Variants in SPATA17 observed in about 807,000 individuals in gnomAD.
SPATA17 encodes spermatogenesis associated 17.
Under a neutral mutation model 62.2 loss-of-function variants are expected in SPATA17, and 53 were observed. The observed-to-expected ratio is 0.85, with a 90% CI of 0.68 to 1.07. The LOEUF (loss-of-function observed/expected upper bound fraction) is 1.07, where lower values mean the gene tolerates loss of function less well. SPATA17 is among the 50% of genes least tolerant of loss of function. The pLI, the probability that SPATA17 is intolerant of heterozygous loss-of-function variation, is 0.00. For synonymous variants in SPATA17, 146 were observed against 146.8 expected, an observed-to-expected ratio of 0.99 and a Z score of 0.04; for missense variants, 466 against 425.5, an observed-to-expected ratio of 1.10 and a Z score of -0.84.
At chr1:217,714,488 C>CTTTTTTGTTTTT (rs1671952645) in intron 5 of SPATA17, among the ~76,000 whole-genome samples, 1 of 121,432 alleles carries the variant, frequency 8.2e-6, no homozygotes, top group Non-Finnish European at 1.7e-5. Context: ...AAACGTGTTT[C>CTTTTTTGTTTTT]TTTTTTTTTT....
At chr1:217,691,173 A>G (rs1671345582) in intron 5 of SPATA17, among the ~76,000 whole-genome samples, 3 of 149,386 alleles carry the variant, frequency 2.0e-5, no homozygotes, top group Non-Finnish European at 4.5e-5. Flanking sequence ...CTTTTTAATG[A>G]TCACCATTCT....
intron 6 of SPATA17, among the ~76,000 whole-genome samples, chr1:217,761,925 G>T (rs1176946986): frequency 6.6e-6 from 1 of 152,074 alleles, no homozygotes; most frequent in Non-Finnish European, 1.5e-5. Context: ...AACACAATCT[G>T]CTGCTGCAGA....
At chr1:217,741,433 A>T (rs1004899066) in intron 5 of SPATA17, among the ~76,000 whole-genome samples, 1 of 152,178 alleles carries the variant, frequency 6.6e-6, no homozygotes, top group African/African-American at 2.4e-5. Context: ...CAAAATGTCA[A>T]CCTTTGAAGT....
At chr1:217,728,878 C>T (rs1339833429) in intron 5 of SPATA17, among the ~76,000 whole-genome samples, 1 of 152,154 alleles carries the variant, frequency 6.6e-6, no homozygotes, top group African/African-American at 2.4e-5. Flanking sequence ...TCTAACATAT[C>T]ATTGGCTGTC....
intron 8 of SPATA17, among the ~76,000 whole-genome samples, chr1:217,791,417 A>C (rs1484539507): frequency 6.6e-6 from 1 of 152,222 alleles, no homozygotes; most frequent in East Asian, 1.9e-4. Flanking sequence ...CCTGTGTATA[A>C]TTAAGAAGTT....
Position 217,648,980 on chromosome 1 carries a change from C to A in SPATA17, c.158+9C>A. On this transcript the variant is annotated intron_variant, in intron 2 of 10. Transcript: ENST00000366933. ...GTTCGGGCATATATCAGGTATATTG[C>A]TTTTGTCATGGAAACCTCAGATATA... is the stretch of plus-strand genomic sequence containing the variant. 6.3e-7 allele frequency: 1 copy of A among 1,583,990 alleles called. No individual in the cohort carries two copies. The highest frequency in any genetic ancestry group is 8.6e-7 in the Non-Finnish European group (1 of 1,164,284).
At chr1:217,673,986 C>G (rs1558560776) in intron 4 of SPATA17, among the ~76,000 whole-genome samples, 1 of 152,148 alleles carries the variant, frequency 6.6e-6, no homozygotes, top group Admixed American at 6.5e-5. Context: ...GAAGAAGTCT[C>G]TCATTCAAAA....
intron 6 of SPATA17, among the ~76,000 whole-genome samples, chr1:217,752,478 G>T (rs981608072): frequency 6.6e-6 from 1 of 152,018 alleles, no homozygotes; most frequent in African/African-American, 2.4e-5. Context: ...TCTATGTTTT[G>T]ACTTCATACT....
rs1676040042 is a variant in SPATA17, at chr1:217,867,484, T to C, written c.*465T>C. 1 of 152,204 alleles carries C rather than the reference T, an allele frequency of 6.6e-6. No homozygotes were observed. The highest frequency in any genetic ancestry group is 1.5e-5 in the Non-Finnish European group (1 of 68,056). 9.4% of individuals were successfully genotyped at this position (152,204 alleles called of 1,614,324 possible). On this transcript the variant is annotated 3_prime_UTR_variant, in exon 11 of 11. Coordinates refer to ENST00000366933, the MANE Select transcript of SPATA17 (RefSeq NM_138796.4). ...GACTGATTATACCAGTTAGAAACCC[T>C]TCAGACTGTTGAACTTGAGACACAC...
At chr1:217,692,522 C>A (rs1258213937) in intron 5 of SPATA17, among the ~76,000 whole-genome samples, 1 of 52,532 alleles carries the variant, frequency 1.9e-5, no homozygotes, top group Non-Finnish European at 3.4e-5. Flanking sequence ...GAACTTCCAA[C>A]ACTATGTTAA....
chr1:217,771,198 T>A (rs1268880469), intron 6 of SPATA17, among the ~76,000 whole-genome samples: 1 of 151,482 alleles, frequency 6.6e-6, no homozygotes, highest in Admixed American at 6.6e-5. Context: ...ATGACAGTAC[T>A]GCAAATAACT....
rs1433386570 is a variant in SPATA17, at chr1:217,784,026, C to T, written c.872+1704C>T. The stretch of plus-strand genomic sequence containing the variant: ...ATTCAAATCTATTATTTTTTTTTTG[C>T]AACTAGGCTAAGTAATTGGTCTTTA... On this transcript the variant is annotated intron_variant, in intron 8 of 10. Transcript: ENST00000366933. Among the ~76,000 whole-genome samples the T allele has an allele frequency of 2.6e-5, 4 of 151,078 alleles. No individual in the cohort carries two copies. The East Asian group carries it at 7.7e-4, about 29-fold the overall frequency.
intron 9 of SPATA17, among the ~76,000 whole-genome samples, chr1:217,847,095 T>C (rs943959733): frequency 6.6e-6 from 1 of 151,996 alleles, no homozygotes; most frequent in Non-Finnish European, 1.5e-5. Context: ...ATGTCTATCA[T>C]AGAGTTTTAA....
rs546912789 is a variant in SPATA17, at chr1:217,763,785, A to G, written c.520-10549A>G. 6.6e-5 allele frequency among the ~76,000 whole-genome samples: 10 copies of G among 152,310 alleles called. No homozygotes were observed. The South Asian group carries it at 8.3e-4, about 13-fold the overall frequency. ...AAGATGTATTTTGGAGCTAGAATTAATAGAACTCGTTAGTGGGTTGGATAT... is the reference window on the plus strand; with the variant it reads ...AAGATGTATTTTGGAGCTAGAATTAGTAGAACTCGTTAGTGGGTTGGATAT... On this transcript the variant is annotated intron_variant, in intron 6 of 10. Transcript: ENST00000366933.
intron 1 of SPATA17, among the ~76,000 whole-genome samples, chr1:217,636,007 C>T (rs890887945): frequency 2.0e-5 from 3 of 151,030 alleles, no homozygotes; most frequent in Non-Finnish European, 4.4e-5. Flanking sequence ...GTGGTGGGCG[C>T]CTTTAATCCC....
chr1:217,791,003 C>T (rs1258446977), intron 8 of SPATA17, among the ~76,000 whole-genome samples: 1 of 152,136 alleles, frequency 6.6e-6, no homozygotes, highest in Non-Finnish European at 1.5e-5. Flanking sequence ...ATTTTCTGAA[C>T]TATTACTGTA....
chr1:217,854,928 C>T lies in SPATA17; in HGVS notation c.1006-7846C>T, dbSNP rs989054515. Reference sequence around the variant, plus strand: ...TCAGCTAAATAACATTTGTCAAGTCCCTACTTTGTAGTAGACACTGTGCTA... The same window carrying T: ...TCAGCTAAATAACATTTGTCAAGTCTCTACTTTGTAGTAGACACTGTGCTA... On this transcript the variant is annotated intron_variant, in intron 9 of 10. Coordinates refer to ENST00000366933, the MANE Select transcript of SPATA17 (RefSeq NM_138796.4). Among the ~76,000 whole-genome samples, 54 of 152,102 alleles carry T rather than the reference C, an allele frequency of 3.6e-4. 1 individual carries two copies. The highest frequency in any genetic ancestry group is 1.2e-3 in the African/African-American group (51 of 41,402).
chr1:217,703,350 T>G (rs1434663743), intron 5 of SPATA17, among the ~76,000 whole-genome samples: 9 of 151,942 alleles, frequency 5.9e-5, no homozygotes, highest in African/African-American at 2.2e-4. Context: ...TTTTGTGTTT[T>G]TAGTAGAGAC....
intron 5 of SPATA17, among the ~76,000 whole-genome samples, chr1:217,689,018 A>G (rs979202047): frequency 3.3e-5 from 5 of 152,124 alleles, no homozygotes; most frequent in Non-Finnish European, 5.9e-5. Context: ...AGCAGCTGCA[A>G]TTTTAAGAAT....
Sources: gnomAD v4.1 joint callset for allele counts (sites outside exome capture counted in the v4.1 genomes callset) on GRCh38, gnomAD v4.1.1 for gene constraint, MANE v1.5 for transcripts, NCBI Gene and HGNC (gene_info 2026-07-23, HGNC 2026-07-21) for gene names.